NYAP2: variants seen among roughly 807,000 people sequenced by gnomAD.
NYAP2 encodes the protein neuronal tyrosine-phosphorylated phosphoinositide-3-kinase adapter 2.
Under a neutral mutation model 50.4 loss-of-function variants are expected in NYAP2, and 23 were observed. The ratio of observed to expected loss-of-function variants is 0.46; its 90% CI spans 0.33 to 0.65. NYAP2 has a LOEUF of 0.65. Among genes scored for constraint, NYAP2 ranks in the 30% least tolerant of loss-of-function variants. NYAP2 has a pLI of 0.02. For missense variants in NYAP2, 885 were observed against 861.0 expected (o/e 1.03, Z -0.35); for synonymous variants, 394 against 365.2 (o/e 1.08, Z -0.90).
rs149434401 is a variant in NYAP2 at position 225,445,865 on chromosome 2, A to G, written c.221+36764A>G. ...GCCAAAAATGATCATTTTCCCTTGC[A>G]GCTTTTGAAAAATTAGTTTATTTAC... On this transcript the variant is annotated intron_variant, in intron 3 of 6. Transcript: ENST00000636099. Among the ~76,000 whole-genome samples, 819 of 152,212 alleles carry G rather than the reference A, an allele frequency of 5.4e-3. 7 individuals are homozygous for G. Among genetic ancestry groups the G allele is most frequent in the African/African-American group, 0.018 (765 of 41,542 alleles).
chr2:225,425,544 T>C (rs1695274714), intron 3 of NYAP2, among the ~76,000 whole-genome samples: 1 of 152,186 alleles, frequency 6.6e-6, no homozygotes, highest in Non-Finnish European at 1.5e-5. Flanking sequence ...GACACACACT[T>C]GGAATGGGAA....
intron 4 of NYAP2, among the ~76,000 whole-genome samples, chr2:225,566,035 G>A (rs907822140): frequency 1.3e-5 from 2 of 152,114 alleles, no homozygotes; most frequent in African/African-American, 4.8e-5. Flanking sequence ...ACTTGGACAA[G>A]TAATTCAATT....
chr2:225,592,201 A>T (rs906361864), intron 5 of NYAP2, among the ~76,000 whole-genome samples: 15 of 152,196 alleles, frequency 9.9e-5, no homozygotes, highest in African/African-American at 3.6e-4. Context: ...GGCCTGTCAG[A>T]TACGCAGTAC....
At chr2:225,443,826 G>T (rs1166687564) in intron 3 of NYAP2, among the ~76,000 whole-genome samples, 2 of 152,168 alleles carry the variant, frequency 1.3e-5, no homozygotes, top group Admixed American at 1.3e-4. Flanking sequence ...GACTAGTAAA[G>T]TAGTTTTATG....
chr2:225,492,104 A>C (rs977423151), intron 3 of NYAP2, among the ~76,000 whole-genome samples: 9 of 152,114 alleles, frequency 5.9e-5, no homozygotes, highest in Admixed American at 1.3e-4. Context: ...GCCCTTTCAC[A>C]TGTTGGCTGC....
At chr2:225,414,713 T>C (rs1695095791) in intron 3 of NYAP2, among the ~76,000 whole-genome samples, 1 of 151,796 alleles carries the variant, frequency 6.6e-6, no homozygotes, top group African/African-American at 2.4e-5. Flanking sequence ...GGCCACCAAG[T>C]TTAGGCCATC....
chr2:225,643,284 G>A (rs1222050861), intron 6 of NYAP2, among the ~76,000 whole-genome samples: 1 of 151,948 alleles, frequency 6.6e-6, no homozygotes, highest in African/African-American at 2.4e-5. Context: ...CCTAACTGGT[G>A]GTTCCCAAAT....
chr2:225,687,817 A>G, the NYAP2 span, among the ~76,000 whole-genome samples: 5 of 152,150 alleles, frequency 3.3e-5, no homozygotes, highest in Non-Finnish European at 5.9e-5. Flanking sequence ...ATGGACAGAG[A>G]ACGGGAAAGG....
At chr2:225,650,259 G>T (rs549464753) in intron 6 of NYAP2, among the ~76,000 whole-genome samples, 1 of 152,308 alleles carries the variant, frequency 6.6e-6, no homozygotes, top group South Asian at 2.1e-4. Flanking sequence ...GCTTTTCTCT[G>T]AAGTGCGATT....
downstream of NYAP2, among the ~76,000 whole-genome samples, chr2:225,654,411 G>T (rs575298295): frequency 1.3e-5 from 2 of 152,084 alleles, no homozygotes; most frequent in Non-Finnish European, 2.9e-5. Flanking sequence ...GGCCAGGTGC[G>T]GTGGCTCACA....
chr2:225,689,262 A>C, the NYAP2 span, among the ~76,000 whole-genome samples: 1 of 152,178 alleles, frequency 6.6e-6, no homozygotes, highest in South Asian at 2.1e-4. Context: ...AATGAGCAAT[A>C]GATGTTAATT....
At chr2:225,502,698 T>C (rs1274246947) in intron 3 of NYAP2, among the ~76,000 whole-genome samples, 1 of 152,214 alleles carries the variant, frequency 6.6e-6, no homozygotes, top group East Asian at 1.9e-4. Flanking sequence ...ATGATCTGCA[T>C]CAGCTGAGAA....
the NYAP2 span, among the ~76,000 whole-genome samples, chr2:225,678,980 T>C: frequency 6.6e-6 from 1 of 152,170 alleles, no homozygotes; most frequent in Non-Finnish European, 1.5e-5. Context: ...AGTAGATTGA[T>C]GACATCATTG....
chr2:225,584,947 G>A (rs923842979), intron 5 of NYAP2, among the ~76,000 whole-genome samples: 2 of 152,216 alleles, frequency 1.3e-5, no homozygotes, highest in African/African-American at 4.8e-5. Flanking sequence ...ATCTAGAGAT[G>A]TTATTGGTTG....
At chr2:225,614,421 T>C (rs534552183) in intron 5 of NYAP2, among the ~76,000 whole-genome samples, 69 of 152,338 alleles carry the variant, frequency 4.5e-4, no homozygotes, top group African/African-American at 1.5e-3. Flanking sequence ...ATAAAATATA[T>C]GTAAGCTGTT....
chr2:225,692,953 A>C, the NYAP2 span, among the ~76,000 whole-genome samples: 1 of 152,000 alleles, frequency 6.6e-6, no homozygotes, highest in Non-Finnish European at 1.5e-5. Flanking sequence ...TAGTGTTTTT[A>C]ATTCACATAC....
chr2:225,475,501 G>A (rs1166898291), intron 3 of NYAP2, among the ~76,000 whole-genome samples: 3 of 152,114 alleles, frequency 2.0e-5, no homozygotes. Context: ...AATAAGGTAG[G>A]GAAAAACAAT....
intron 5 of NYAP2, among the ~76,000 whole-genome samples, chr2:225,592,915 A>C (rs1027857379): frequency 3.9e-5 from 6 of 152,196 alleles, no homozygotes; most frequent in African/African-American, 1.4e-4. Flanking sequence ...AAAATGCAGA[A>C]ACATTTTCAA....
chr2:225,412,047 C>T (rs1695051445), intron 3 of NYAP2, among the ~76,000 whole-genome samples: 1 of 150,020 alleles, frequency 6.7e-6, no homozygotes, highest in Non-Finnish European at 1.5e-5. Flanking sequence ...ACTGCAACCT[C>T]TGCCTCCCAG....
Sources: allele counts gnomAD v4.1 joint callset (sites outside exome capture counted in the v4.1 genomes callset), GRCh38; gene constraint gnomAD v4.1.1; transcripts MANE v1.5; gene names NCBI Gene and HGNC (gene_info 2026-07-23, HGNC 2026-07-21).